RSRC1: variants seen among roughly 807,000 people sequenced by gnomAD.
The protein encoded by RSRC1 is serine/Arginine-related protein 53.
RSRC1 carries 39 observed loss-of-function variants against 49.1 expected under a neutral mutation model. The observed-to-expected ratio is 0.79, with a 90% CI of 0.61 to 1.04. The LOEUF (loss-of-function observed/expected upper bound fraction) is 1.04, where lower values mean the gene tolerates loss of function less well. Ranked by LOEUF, RSRC1 falls within the 50% of genes least tolerant of loss-of-function variation. The pLI, the probability that RSRC1 is intolerant of heterozygous loss-of-function variation, is 0.00. For missense variants in RSRC1, 388 were observed against 402.4 expected, an observed-to-expected ratio of 0.96 and a Z score of 0.31; for synonymous variants, 143 against 130.8, an observed-to-expected ratio of 1.09 and a Z score of -0.63.
intron 6 of RSRC1, among the ~76,000 whole-genome samples, chr3:158,415,623 A>G (rs937483429): frequency 6.6e-6 from 1 of 152,040 alleles, no homozygotes; most frequent in Non-Finnish European, 1.5e-5. Flanking sequence ...ATTGACTTTC[A>G]GTTTTTAAAT....
intron 6 of RSRC1, among the ~76,000 whole-genome samples, chr3:158,402,282 T>G (rs1357913922): frequency 6.6e-6 from 1 of 151,876 alleles, no homozygotes; most frequent in Non-Finnish European, 1.5e-5. Context: ...CTACTACTTT[T>G]TATATTTGGC....
intron 7 of RSRC1, among the ~76,000 whole-genome samples, chr3:158,525,075 C>T (rs967086247): frequency 6.6e-6 from 1 of 151,914 alleles, no homozygotes; most frequent in East Asian, 1.9e-4. Flanking sequence ...ATAGATTATA[C>T]TTCCTTAAAC....
At chr3:158,307,526 G>A (rs534443869) in intron 5 of RSRC1, among the ~76,000 whole-genome samples, 1 of 151,912 alleles carries the variant, frequency 6.6e-6, no homozygotes, top group African/African-American at 2.4e-5. Context: ...CCACTTTTGG[G>A]TGTGGGACCG....
chr3:158,361,363 G>A lies in RSRC1; in HGVS notation c.583+6455G>A, dbSNP rs760518083. 1.4e-4 allele frequency among the ~76,000 whole-genome samples: 21 copies of A among 152,170 alleles called. No individual in the cohort carries two copies. The South Asian group carries it at 1.5e-3, about 11-fold the overall frequency. On this transcript the variant is annotated intron_variant, in intron 6 of 9. Coordinates refer to ENST00000611884, the MANE Select transcript of RSRC1 (RefSeq NM_001271838.2). ...TGCAGTAGCAGTGGGCAAGAGCAGC[G>A]ACATGGTGCCAGGTCCAGAGCCACA...
intron 6 of RSRC1, among the ~76,000 whole-genome samples, chr3:158,415,309 C>G (rs1018363000): frequency 6.6e-6 from 1 of 151,964 alleles, no homozygotes; most frequent in Non-Finnish European, 1.5e-5. Flanking sequence ...AGGAAATGAT[C>G]CAGCTTTAAA....
At chr3:158,387,420 C>CT (rs961820269) in intron 6 of RSRC1, among the ~76,000 whole-genome samples, 25 of 152,078 alleles carry the variant, frequency 1.6e-4, no homozygotes, top group African/African-American at 5.6e-4. Flanking sequence ...CAGAAACAGC[C>CT]TATCAGTCAA....
intron 6 of RSRC1, among the ~76,000 whole-genome samples, chr3:158,389,207 C>G (rs1304069105): frequency 1.3e-5 from 2 of 152,180 alleles, no homozygotes; most frequent in South Asian, 4.1e-4. Flanking sequence ...ATAAACATCA[C>G]TCTTTCATCA....
chr3:158,271,024 T>A (rs943993653), intron 4 of RSRC1, among the ~76,000 whole-genome samples: 1 of 152,152 alleles, frequency 6.6e-6, no homozygotes, highest in African/African-American at 2.4e-5. Context: ...TATCCCCGTG[T>A]CATATTGAAT....
intron 6 of RSRC1, among the ~76,000 whole-genome samples, chr3:158,387,786 A>C (rs890911766): frequency 6.6e-6 from 1 of 152,132 alleles, no homozygotes; most frequent in African/African-American, 2.4e-5. Flanking sequence ...CATTATTTTT[A>C]AAACGTTTGC....
At chr3:158,200,150 G>A (rs1488078746) in intron 3 of RSRC1, among the ~76,000 whole-genome samples, 1 of 151,976 alleles carries the variant, frequency 6.6e-6, no homozygotes, top group African/African-American at 2.4e-5. Context: ...CCATTCTTCT[G>A]CCTCAGCCTC....
intron 3 of RSRC1, among the ~76,000 whole-genome samples, chr3:158,198,748 G>A (rs1010531863): frequency 1.4e-4 from 22 of 152,076 alleles, no homozygotes; most frequent in Non-Finnish European, 2.5e-4. Context: ...CCCATCTTCT[G>A]CGTCACTCAT....
intron 4 of RSRC1, among the ~76,000 whole-genome samples, chr3:158,215,463 G>C (rs1721900230): frequency 6.6e-6 from 1 of 151,552 alleles, no homozygotes; most frequent in South Asian, 2.1e-4. Context: ...TTTAATTGGT[G>C]TGTTTACATG....
At chr3:158,207,047 A>G (rs1351582478) in intron 4 of RSRC1, among the ~76,000 whole-genome samples, 1 of 152,208 alleles carries the variant, frequency 6.6e-6, no homozygotes, top group East Asian at 1.9e-4. Flanking sequence ...ATTAATATAG[A>G]TGAAGGTGCT....
intron 4 of RSRC1, 127 bp from the exon 5 acceptor site, chr3:158,297,910 AAC>A (rs1727326419): frequency 1.5e-6 from 1 of 647,384 alleles, no homozygotes; most frequent in Non-Finnish European, 2.7e-6. Flanking sequence ...TGTCCTTAAA[AAC>A]AGTGTTATGA....
Position 158,402,791 on chromosome 3 carries a change from A to G in RSRC1, c.583+47883A>G, listed in dbSNP as rs1733962721. ...TCAAAGGTACATGCTGTCAGGACCA[A>G]TTAGTTATCATTTATACTTTTCTCT... On this transcript the variant is annotated intron_variant, in intron 6 of 9. Coordinates refer to ENST00000611884, the MANE Select transcript of RSRC1 (RefSeq NM_001271838.2). Among the ~76,000 whole-genome samples, 8 of 151,978 alleles carry G rather than the reference A, an allele frequency of 5.3e-5. 1 individual carries two copies. In the South Asian group the frequency reaches 1.7e-3, roughly 31 times the overall value.
intron 6 of RSRC1, among the ~76,000 whole-genome samples, chr3:158,415,686 T>C (rs1332782834): frequency 2.0e-5 from 3 of 152,054 alleles, no homozygotes; most frequent in Admixed American, 1.3e-4. Context: ...GAATTTACTG[T>C]AGAACAAAAA....
At chr3:158,159,879 A>G (rs1175352176) in intron 3 of RSRC1, among the ~76,000 whole-genome samples, 1 of 152,122 alleles carries the variant, frequency 6.6e-6, no homozygotes, top group Non-Finnish European at 1.5e-5. Context: ...ATTTAAAAGT[A>G]ATATCACATA....
intron 4 of RSRC1, among the ~76,000 whole-genome samples, chr3:158,229,281 A>C (rs1385718367): frequency 1.7e-4 from 15 of 88,188 alleles, no homozygotes; most frequent in Non-Finnish European, 3.2e-4. Flanking sequence ...TATGTATATA[A>C]ACATACACAC....
At chr3:158,336,016 A>G (rs1729862564) in intron 5 of RSRC1, among the ~76,000 whole-genome samples, 1 of 152,204 alleles carries the variant, frequency 6.6e-6, no homozygotes, top group South Asian at 2.1e-4. Flanking sequence ...AGAAGCAGTA[A>G]TTCCAGAGGA....
Sources: allele counts gnomAD v4.1 joint callset (sites outside exome capture counted in the v4.1 genomes callset), GRCh38; gene constraint gnomAD v4.1.1; transcripts MANE v1.5; gene names NCBI Gene and HGNC (gene_info 2026-07-23, HGNC 2026-07-21).